STAU2: variants seen among roughly 807,000 people sequenced by gnomAD.
STAU2 encodes the protein staufen double-stranded RNA binding protein 2.
Under a neutral mutation model 65.9 loss-of-function variants are expected in STAU2, and 20 were observed. The ratio of observed to expected loss-of-function variants is 0.30; its 90% confidence interval spans 0.21 to 0.44. The LOEUF (loss-of-function observed/expected upper bound fraction) is 0.44, where lower values mean the gene tolerates loss of function less well. Among genes scored for constraint, STAU2 ranks in the 20% least tolerant of loss-of-function variants. The pLI is 1.00. For missense variants in STAU2, 558 were observed against 683.9 expected, an observed-to-expected ratio of 0.82 and a Z score of 2.05; for synonymous variants, 232 against 233.9, an observed-to-expected ratio of 0.99 and a Z score of 0.07.
chr8:73,441,567 T>C (rs893796186), intron 13 of STAU2: 1 of 152,208 alleles, frequency 6.6e-6, no homozygotes, highest in African/African-American at 2.4e-5. Context: ...ACATCTAGAA[T>C]TGTAGACCCT....
chr8:73,689,534 C>CT (rs201731580), intron 4 of STAU2, among the ~76,000 whole-genome samples: 2,143 of 152,272 alleles, frequency 0.014, 9 homozygotes, highest in Non-Finnish European at 0.021. Flanking sequence ...CACAAAGGCT[C>CT]TACCTGTGCA....
intron 6 of STAU2, among the ~76,000 whole-genome samples, chr8:73,652,025 G>A (rs1815921128): frequency 6.6e-6 from 1 of 152,212 alleles, no homozygotes; most frequent in Non-Finnish European, 1.5e-5. Context: ...GTCAAACGCA[G>A]AAGTGGGCTT....
rs150411675 is a variant in STAU2 at position 73,702,813 on chromosome 8, G to A, written c.114+6219C>T. 2.6e-3 allele frequency among the ~76,000 whole-genome samples: 398 copies of A among 152,170 alleles called. 2 individuals carry two copies. Among genetic ancestry groups the A allele is most frequent in the African/African-American group, 9.0e-3 (375 of 41,520 alleles). On this transcript the variant is annotated intron_variant, in intron 4 of 14. Transcript: ENST00000524300. The stretch of plus-strand genomic sequence containing the variant: ...GATAGCCAGCATTATCAGTCACTAC[G>A]GAAGTGCAAACTGAAACCACAATGA...
chr8:73,517,253 A>AAAAAG lies in STAU2; in HGVS notation c.1530+34754_1530+34758dup, dbSNP rs573181892. Among the ~76,000 whole-genome samples, 553 of 152,148 alleles carry AAAAAG rather than the reference A, an allele frequency of 3.6e-3. 5 individuals are homozygous for AAAAAG. The highest frequency in any genetic ancestry group is 6.3e-3 in the Non-Finnish European group (427 of 67,972). On this transcript the variant is annotated intron_variant, in intron 13 of 14. Transcript: ENST00000524300. ...GTAACTAAGAAAATAAAAGAGAAGA[A>AAAAAG]AAAAGAAAAGAAAAGAAATTAGCTT...
intron 6 of STAU2, chr8:73,672,840 A>G (rs1817778134): frequency 9.0e-6 from 2 of 223,070 alleles, no homozygotes; most frequent in Non-Finnish European, 1.8e-5. Flanking sequence ...CAACAAATAC[A>G]GGGCCCTCAT....
chr8:73,710,534 A>C (rs1230125145), intron 3 of STAU2, among the ~76,000 whole-genome samples: 1 of 152,042 alleles, frequency 6.6e-6, no homozygotes, highest in Non-Finnish European at 1.5e-5. Flanking sequence ...AGAGAAATAA[A>C]TCTATCCCGC....
At chr8:73,559,394 A>C (rs930396052) in intron 12 of STAU2, among the ~76,000 whole-genome samples, 8 of 152,208 alleles carry the variant, frequency 5.3e-5, no homozygotes, top group African/African-American at 1.9e-4. Context: ...AGCTCTGAGG[A>C]TAAGCAGGGC....
At chr8:73,523,221 A>AAAAGTCTG (rs1424127922) in intron 13 of STAU2, among the ~76,000 whole-genome samples, 2 of 148,240 alleles carry the variant, frequency 1.3e-5, no homozygotes, top group Non-Finnish European at 3.0e-5. Flanking sequence ...AAAAAAAAAG[A>AAAAGTCTG]AAAGTCTGAA....
At chr8:73,654,717 C>T (rs574146864) in intron 6 of STAU2, among the ~76,000 whole-genome samples, 731 of 69,256 alleles carry the variant, frequency 0.011, 4 homozygotes, top group Non-Finnish European at 0.016. Flanking sequence ...GACGGAGTTT[C>T]GCTCTGTCGC....
At chr8:73,714,133 C>T (rs574704059) in intron 3 of STAU2, among the ~76,000 whole-genome samples, 72 of 152,114 alleles carry the variant, frequency 4.7e-4, no homozygotes, top group African/African-American at 1.6e-3. Flanking sequence ...GAACTCCCGA[C>T]CTCAGGTGAT....
intron 5 of STAU2, 129 bp downstream of exon 5, chr8:73,688,518 GTGTGTGT>G: frequency 1.5e-6 from 1 of 681,594 alleles, no homozygotes; most frequent in Non-Finnish European, 2.4e-6. Flanking sequence ...GTGTGTGTGT[GTGTGTGT>G]GTGTGTAGGT....
intron 3 of STAU2, among the ~76,000 whole-genome samples, chr8:73,723,784 TCTG>T (rs1218883510): frequency 2.6e-5 from 4 of 152,242 alleles, no homozygotes; most frequent in African/African-American, 9.6e-5. Context: ...TTTAATGCCC[TCTG>T]CTAATTCTAT....
chr8:73,595,399 C>T, intron 10 of STAU2, 102 bp from the exon 11 acceptor site: 6 of 1,118,860 alleles, frequency 5.4e-6, no homozygotes, highest in Non-Finnish European at 7.3e-6. Flanking sequence ...CATTTGAAAA[C>T]ATAAAGTTCA....
At chr8:73,595,560 AT>A (rs1024541317) in intron 10 of STAU2, among the ~76,000 whole-genome samples, 1 of 152,058 alleles carries the variant, frequency 6.6e-6, no homozygotes, top group Non-Finnish European at 1.5e-5. Context: ...ATGCTATTTG[AT>A]TTTTTAAACA....
At chr8:73,469,287 A>G (rs890717245) in intron 13 of STAU2, among the ~76,000 whole-genome samples, 8 of 152,116 alleles carry the variant, frequency 5.3e-5, no homozygotes, top group African/African-American at 1.7e-4. Flanking sequence ...GGGGAACATC[A>G]CACACCAGGG....
chr8:73,559,492 G>A (rs1808033522), intron 12 of STAU2, among the ~76,000 whole-genome samples: 1 of 152,192 alleles, frequency 6.6e-6, no homozygotes, highest in Non-Finnish European at 1.5e-5. Context: ...CTGGGTGCTT[G>A]ACTTTTAGCT....
chr8:73,652,281 A>C (rs1040417209), intron 6 of STAU2: 1 of 152,192 alleles, frequency 6.6e-6, no homozygotes, highest in Non-Finnish European at 1.5e-5. Context: ...AAAATGTTTC[A>C]CTTTTTAATT....
intron 9 of STAU2, among the ~76,000 whole-genome samples, chr8:73,606,952 G>C (rs1390523343): frequency 5.9e-5 from 9 of 152,182 alleles, no homozygotes; most frequent in Admixed American, 2.0e-4. Flanking sequence ...TAATTATGCT[G>C]GGTTAAAGAA....
At chr8:73,686,303 C>T (rs1818810058) in intron 5 of STAU2, among the ~76,000 whole-genome samples, 1 of 152,082 alleles carries the variant, frequency 6.6e-6, no homozygotes. Flanking sequence ...GTAATCCCAG[C>T]ACTTTGGGAG....
Sources: gnomAD v4.1 joint callset for allele counts (sites outside exome capture counted in the v4.1 genomes callset) on GRCh38, gnomAD v4.1.1 for gene constraint, MANE v1.5 for transcripts, NCBI Gene and HGNC (gene_info 2026-07-23, HGNC 2026-07-21) for gene names.